Variants in DACH2 observed in about 807,000 individuals in gnomAD.
DACH2 encodes the protein dachshund family transcription factor 2.
Under a neutral mutation model 35.8 loss-of-function variants are expected in DACH2, and 17 were observed. That is an observed-to-expected ratio of 0.48 (90% CI 0.33 to 0.71). DACH2 has a LOEUF of 0.71. Among genes scored for constraint, DACH2 ranks in the 30% least tolerant of loss-of-function variants. The probability of loss-of-function intolerance (pLI) is 0.02; values close to 1 mark genes in which losing one functional copy is unlikely to be tolerated. For missense variants in DACH2, 469 were observed against 472.7 expected, an observed-to-expected ratio of 0.99 and a Z score of 0.07; for synonymous variants, 195 against 177.3, an observed-to-expected ratio of 1.10 and a Z score of -0.79.
chrX:86,152,886 G>C (rs1201956821), intron 1 of DACH2, among the ~76,000 whole-genome samples: 1 of 111,609 alleles, frequency 9.0e-6, no homozygotes, highest in Non-Finnish European at 1.9e-5. Flanking sequence ...AGAGAGAACA[G>C]GCAGGTTTAG....
chrX:86,741,097 A>C (rs764432319), intron 7 of DACH2, among the ~76,000 whole-genome samples: 1 of 111,638 alleles, frequency 9.0e-6, no homozygotes, highest in Admixed American at 9.6e-5. Flanking sequence ...ACAAGGGGGA[A>C]GTTCTTTAAG....
chrX:86,282,809 G>A (rs1301397570), intron 1 of DACH2, among the ~76,000 whole-genome samples: 2 of 15,532 alleles, frequency 1.3e-4, no homozygotes, highest in Non-Finnish European at 1.8e-4. Flanking sequence ...ACGGAGTCTC[G>A]CTCTGTCGCC....
intron 1 of DACH2, among the ~76,000 whole-genome samples, chrX:86,217,825 A>G (rs2032613977): frequency 8.9e-6 from 1 of 112,257 alleles, no homozygotes; most frequent in South Asian, 3.7e-4. Flanking sequence ...AAGATCATGT[A>G]GGAAGCGTAA....
chrX:86,519,922 T>A (rs2038528288), intron 3 of DACH2, among the ~76,000 whole-genome samples: 1 of 111,483 alleles, frequency 9.0e-6, no homozygotes, highest in Admixed American at 9.6e-5. Context: ...GCTCTGATTT[T>A]TTTTATTTCT....
intron 1 of DACH2, among the ~76,000 whole-genome samples, chrX:86,239,798 C>T (rs1402991818): frequency 4.5e-5 from 5 of 111,954 alleles, no homozygotes. Context: ...CATCAGCAAG[C>T]AGAGTATGAG....
intron 2 of DACH2, among the ~76,000 whole-genome samples, chrX:86,507,844 T>C (rs1192047909): frequency 9.0e-6 from 1 of 111,630 alleles, no homozygotes; most frequent in Non-Finnish European, 1.9e-5. Flanking sequence ...AGGCAACCTG[T>C]TACAAATAAC....
chrX:86,398,880 T>A (rs937941935), intron 2 of DACH2, among the ~76,000 whole-genome samples: 1 of 111,861 alleles, frequency 8.9e-6, no homozygotes, highest in African/African-American at 3.3e-5. Context: ...GGGTGGAGAT[T>A]TCTGTGGATG....
chrX:86,720,118 T>C (rs935757675), intron 6 of DACH2, among the ~76,000 whole-genome samples: 16 of 107,665 alleles, frequency 1.5e-4, no homozygotes. Flanking sequence ...TTTGTATTTT[T>C]AGTAGAGACG....
intron 3 of DACH2, among the ~76,000 whole-genome samples, chrX:86,560,592 C>T (rs2039202979): frequency 2.1e-5 from 2 of 97,442 alleles, no homozygotes; most frequent in African/African-American, 7.6e-5. Context: ...AGAAATAATG[C>T]CGCATATCTA....
intron 3 of DACH2, among the ~76,000 whole-genome samples, chrX:86,534,514 C>G (rs2038769233): frequency 8.9e-6 from 1 of 111,832 alleles, no homozygotes; most frequent in Non-Finnish European, 1.9e-5. Flanking sequence ...CCTCAGTGAA[C>G]AGAAAACTCA....
chrX:86,291,032 G>A (rs1199739719), intron 1 of DACH2, among the ~76,000 whole-genome samples: 23 of 103,776 alleles, frequency 2.2e-4, no homozygotes, highest in African/African-American at 7.8e-4. Context: ...CCATTTTCAC[G>A]ATATTGATTC....
At chrX:86,335,900 CTTA>C (rs1377480765) in intron 1 of DACH2, among the ~76,000 whole-genome samples, 1 of 111,330 alleles carries the variant, frequency 9.0e-6, no homozygotes, top group Non-Finnish European at 1.9e-5. Context: ...ATGAACAGCT[CTTA>C]TTATTTTGAG....
chrX:86,817,220 G>A (rs1201921977), intron 11 of DACH2, among the ~76,000 whole-genome samples: 3 of 111,781 alleles, frequency 2.7e-5, no homozygotes, highest in Non-Finnish European at 5.7e-5. Context: ...TAACTCATTC[G>A]ATGAAGCTTT....
At chrX:86,342,833 G>T (rs986683457) in intron 1 of DACH2, among the ~76,000 whole-genome samples, 2 of 110,177 alleles carry the variant, frequency 1.8e-5, no homozygotes, top group African/African-American at 6.6e-5. Flanking sequence ...TAATTAAAAA[G>T]AGATTGCCAC....
At chrX:86,677,128 G>T (rs769296483) in intron 4 of DACH2, among the ~76,000 whole-genome samples, 14 of 112,027 alleles carry the variant, frequency 1.2e-4, no homozygotes, top group Non-Finnish European at 2.4e-4. Flanking sequence ...GTTAGAAAAA[G>T]AGATTTCATA....
intron 1 of DACH2, among the ~76,000 whole-genome samples, chrX:86,345,681 C>A (rs2035484552): frequency 8.9e-6 from 1 of 111,744 alleles, no homozygotes; most frequent in Admixed American, 9.5e-5. Context: ...GACCATGCAG[C>A]CTCAAGTCAC....
In DACH2 at chrX:86,429,661, A is replaced by G. The variant is rs763237041; in HGVS notation, c.527+52799A>G. On this transcript the variant is annotated intron_variant, in intron 2 of 11. Transcript: ENST00000373125. ...CTGCAACCTCCGCCTCCCAGGTTCA[A>G]GTCATTCTGTTGCCTTAGCCTCCCG... is the stretch of plus-strand genomic sequence containing the variant. 4.6e-5 allele frequency among the ~76,000 whole-genome samples: 5 copies of G among 109,816 alleles called. No individual in the cohort carries two copies. In the South Asian group the frequency reaches 2.0e-3, roughly 43 times the overall value.
chrX:86,693,792 T>C (rs977694084), intron 4 of DACH2, among the ~76,000 whole-genome samples: 5 of 111,960 alleles, frequency 4.5e-5, no homozygotes, highest in Non-Finnish European at 9.4e-5. Flanking sequence ...TTTGTTATAA[T>C]GTAGACTATA....
At chrX:86,613,481 G>A (rs938680535) in intron 3 of DACH2, among the ~76,000 whole-genome samples, 3 of 111,101 alleles carry the variant, frequency 2.7e-5, no homozygotes, top group Middle Eastern at 9.3e-3. Flanking sequence ...TGTTACTATA[G>A]ACTATAAAAC....
Sources: allele counts gnomAD v4.1 joint callset (sites outside exome capture counted in the v4.1 genomes callset), GRCh38; gene constraint gnomAD v4.1.1; transcripts MANE v1.5; gene names NCBI Gene and HGNC (gene_info 2026-07-23, HGNC 2026-07-21).